ZBTB20: variants seen among roughly 807,000 people sequenced by gnomAD.
ZBTB20 encodes the protein zinc finger and BTB domain containing 20.
ZBTB20 carries 9 observed loss-of-function variants against 56.9 expected under a neutral mutation model. The ratio of observed to expected loss-of-function variants is 0.16; its 90% CI spans 0.10 to 0.28. ZBTB20 has a LOEUF of 0.28. Among genes scored for constraint, ZBTB20 ranks in the 10% least tolerant of loss-of-function variants. The pLI is 1.00. For missense variants in ZBTB20, 655 were observed against 1,003.0 expected (o/e 0.65, Z 4.69); for synonymous variants, 417 against 420.7 (o/e 0.99, Z 0.11).
intron 6 of ZBTB20, among the ~76,000 whole-genome samples, chr3:114,566,388 A>G (rs939565360): frequency 1.3e-5 from 2 of 152,184 alleles, no homozygotes; most frequent in African/African-American, 4.8e-5. Context: ...CTGGCTAAAG[A>G]AGAGGTGGGT....
intron 1 of ZBTB20, among the ~76,000 whole-genome samples, chr3:115,139,682 A>T (rs905431134): frequency 6.6e-6 from 1 of 152,100 alleles, no homozygotes; most frequent in Non-Finnish European, 1.5e-5. Context: ...CTTTGAATAA[A>T]TGTATCTATC....
intron 6 of ZBTB20, among the ~76,000 whole-genome samples, chr3:114,547,591 T>G (rs1289137940): frequency 6.6e-6 from 1 of 152,142 alleles, no homozygotes; most frequent in African/African-American, 2.4e-5. Flanking sequence ...TGGTCAGTGG[T>G]AGAGCATCCC....
intron 11 of ZBTB20, among the ~76,000 whole-genome samples, chr3:114,346,090 T>C (rs1273888135): frequency 2.0e-5 from 3 of 152,220 alleles, no homozygotes; most frequent in Non-Finnish European, 2.9e-5. Context: ...GTGGTTTGTT[T>C]AGCAGTGGAT....
chr3:114,961,917 T>A (rs2077468825), intron 3 of ZBTB20, among the ~76,000 whole-genome samples: 1 of 152,156 alleles, frequency 6.6e-6, no homozygotes, highest in Non-Finnish European at 1.5e-5. Context: ...ATAGAAGTAC[T>A]CTTACTCTTA....
intron 5 of ZBTB20, among the ~76,000 whole-genome samples, chr3:114,714,366 G>C (rs549697070): frequency 7.2e-5 from 11 of 152,200 alleles, no homozygotes; most frequent in Non-Finnish European, 1.2e-4. Flanking sequence ...TGGTTACGTA[G>C]GTAAGCCAAA....
chr3:114,441,283 C>A (rs2090904584), intron 7 of ZBTB20, among the ~76,000 whole-genome samples: 1 of 152,096 alleles, frequency 6.6e-6, no homozygotes, highest in Non-Finnish European at 1.5e-5. Flanking sequence ...GCCACTCCGG[C>A]TCATTTAGAA....
intron 2 of ZBTB20, among the ~76,000 whole-genome samples, chr3:115,031,335 A>G (rs548232218): frequency 6.6e-6 from 1 of 151,562 alleles, no homozygotes; most frequent in South Asian, 2.1e-4. Flanking sequence ...TCATTATTCA[A>G]CAGTACATCT....
At chr3:114,649,247 C>A (rs1341178692) in intron 6 of ZBTB20, among the ~76,000 whole-genome samples, 1 of 151,922 alleles carries the variant, frequency 6.6e-6, no homozygotes, top group African/African-American at 2.4e-5. Context: ...CAAAATGTTA[C>A]CATTCAATCA....
intron 5 of ZBTB20, among the ~76,000 whole-genome samples, chr3:114,758,569 C>T (rs2068189982): frequency 1.3e-5 from 2 of 152,124 alleles, no homozygotes; most frequent in South Asian, 4.1e-4. Flanking sequence ...TTGAAAATAA[C>T]TAAAGATCTT....
chr3:114,656,009 C>T (rs558177712), intron 6 of ZBTB20, among the ~76,000 whole-genome samples: 2 of 152,274 alleles, frequency 1.3e-5, no homozygotes, highest in East Asian at 1.9e-4. Flanking sequence ...TTTCACACTA[C>T]TTATAGGAAT....
chr3:114,655,443 G>A (rs1255576946), intron 6 of ZBTB20, among the ~76,000 whole-genome samples: 2 of 150,422 alleles, frequency 1.3e-5, no homozygotes, highest in East Asian at 1.9e-4. Context: ...TAGTAGAGAC[G>A]GGGTTTCACC....
At chr3:114,551,593 T>A (rs188320115) in intron 6 of ZBTB20, among the ~76,000 whole-genome samples, 2 of 152,180 alleles carry the variant, frequency 1.3e-5, no homozygotes, top group Non-Finnish European at 2.9e-5. Context: ...GAGATATACA[T>A]AAGCAACAAA....
chr3:114,518,475 C>G (rs2046280307), intron 6 of ZBTB20: 1 of 152,168 alleles, frequency 6.6e-6, no homozygotes, highest in Non-Finnish European at 1.5e-5. Context: ...AAAAAAGAAT[C>G]TTCAAATATG....
At chr3:114,400,671 C>T (rs2086736778) in intron 7 of ZBTB20, among the ~76,000 whole-genome samples, 1 of 152,082 alleles carries the variant, frequency 6.6e-6, no homozygotes, top group Non-Finnish European at 1.5e-5. Context: ...AATCACTGTT[C>T]CTCCAGGTGT....
chr3:114,440,512 TCTC>T (rs2090842267), intron 7 of ZBTB20, among the ~76,000 whole-genome samples: 1 of 152,162 alleles, frequency 6.6e-6, no homozygotes, highest in Non-Finnish European at 1.5e-5. Context: ...TCTCTCTGCT[TCTC>T]CTCTGAGATT....
chr3:115,064,748 C>T (rs2082145038), intron 2 of ZBTB20, among the ~76,000 whole-genome samples: 2 of 152,038 alleles, frequency 1.3e-5, no homozygotes, highest in South Asian at 2.1e-4. Context: ...CCACCGTGCC[C>T]GGCCTTCTCT....
chr3:114,379,301 A>T (rs986831485), intron 10 of ZBTB20: 1 of 152,222 alleles, frequency 6.6e-6, no homozygotes, highest in African/African-American at 2.4e-5. Flanking sequence ...GACATCCTTT[A>T]TGGAGATCAG....
intron 4 of ZBTB20, among the ~76,000 whole-genome samples, chr3:114,844,860 CTTTTTT>C (rs11396350): frequency 7.7e-6 from 1 of 130,438 alleles, no homozygotes; most frequent in Non-Finnish European, 1.6e-5. Flanking sequence ...TTTTCTTTTT[CTTTTTT>C]TTTTTTTTTT....
intron 4 of ZBTB20, among the ~76,000 whole-genome samples, chr3:114,835,595 T>C (rs1451888627): frequency 2.0e-5 from 3 of 152,166 alleles, no homozygotes; most frequent in African/African-American, 7.2e-5. Context: ...TATCTCAAAA[T>C]GCACAGTAGT....
Sources: gnomAD v4.1 joint callset for allele counts (sites outside exome capture counted in the v4.1 genomes callset) on GRCh38, gnomAD v4.1.1 for gene constraint, MANE v1.5 for transcripts, NCBI Gene and HGNC (gene_info 2026-07-23, HGNC 2026-07-21) for gene names.